TMED5: variants seen among roughly 807,000 people sequenced by gnomAD.
TMED5 encodes transmembrane p24 trafficking protein 5, also known as transmembrane emp24 domain-containing protein 5.
In TMED5, 27 loss-of-function variants were observed where a neutral mutation model predicts 23.0. The observed-to-expected ratio is 1.17, with a 90% CI of 0.86 to 1.62. TMED5 has a LOEUF of 1.62. Ranked by LOEUF, TMED5 falls within the 40% of genes most tolerant of loss-of-function variation. TMED5 has a pLI of 0.00. For missense variants in TMED5, 248 were observed against 273.7 expected, an observed-to-expected ratio of 0.91 and a Z score of 0.66; for synonymous variants, 97 against 100.8, an observed-to-expected ratio of 0.96 and a Z score of 0.23.
Position 93,153,336 on chromosome 1 carries a change from A to G in TMED5, c.*1334T>C, listed in dbSNP as rs144474757. The G allele has an allele frequency of 6.6e-6, 1 of 152,258 alleles. No homozygotes were observed. Among genetic ancestry groups the G allele is most frequent in the African/African-American group, 2.4e-5 (1 of 41,566 alleles). The allele number at this position is 152,258 out of a possible 1,614,324, so 9.4% of individuals were successfully genotyped here. On this transcript the variant is annotated 3_prime_UTR_variant, in exon 4 of 4. Transcript: ENST00000370282. ...GTTTCTAATCCTTACTTCAACATCAATAAATAAAGTGTTCAGAAAGGCCAT... is the reference window on the plus strand; with the variant it reads ...GTTTCTAATCCTTACTTCAACATCAGTAAATAAAGTGTTCAGAAAGGCCAT...
At chr1:93,159,847 A>C (rs1267819985) in intron 2 of TMED5, among the ~76,000 whole-genome samples, 4 of 152,248 alleles carry the variant, frequency 2.6e-5, no homozygotes, top group Non-Finnish European at 5.9e-5. Context: ...GGCAGGTTTA[A>C]AATGCCACGA....
rs930196174 is a variant in TMED5, at chr1:93,150,660, A to G, written c.*4010T>C. On this transcript the variant is annotated 3_prime_UTR_variant, in exon 4 of 4. Coordinates refer to ENST00000370282, the MANE Select transcript of TMED5 (RefSeq NM_016040.5). ...TTTGGAACTGTCTTTTCTTTCTGCA[A>G]TGGTATTACGTGTCCTTTTAGAATT... is the stretch of plus-strand genomic sequence containing the variant. The G allele has an allele frequency of 6.6e-6, 1 of 152,230 alleles. No homozygotes were observed. The highest frequency in any genetic ancestry group is 2.1e-4 in the South Asian group (1 of 4,830). The allele number at this position is 152,230 out of a possible 1,614,324, so 9.4% of individuals were successfully genotyped here. A position where few individuals can be genotyped will look rare whatever the true frequency, so the allele number is the denominator to read the frequency against.
At chr1:93,179,692 G>GT (rs1351111636) in intron 1 of TMED5, among the ~76,000 whole-genome samples, 4 of 152,270 alleles carry the variant, frequency 2.6e-5, no homozygotes, top group Non-Finnish European at 5.9e-5. Flanking sequence ...AGGAGAACGT[G>GT]TATCAGTTCT....
intron 1 of TMED5, among the ~76,000 whole-genome samples, chr1:93,175,433 T>C (rs1648880763): frequency 6.7e-6 from 1 of 148,526 alleles, no homozygotes; most frequent in Non-Finnish European, 1.5e-5. Flanking sequence ...ATTTTGTATA[T>C]GTATAAAATG....
rs1163111191 is a variant in TMED5, at chr1:93,153,561, G to T, written c.*1109C>A. 6.6e-6 allele frequency: 1 copy of T among 152,100 alleles called. No homozygotes were observed. Among genetic ancestry groups the T allele is most frequent in the African/African-American group, 2.4e-5 (1 of 41,426 alleles). The allele number at this position is 152,100 out of a possible 1,614,324, so 9.4% of individuals were successfully genotyped here. On this transcript the variant is annotated 3_prime_UTR_variant, in exon 4 of 4. Transcript: ENST00000370282. ...AATCATCTCCTTTGATTTATGTTATGAGTAGGATGTCATGATGAGCCAGTC... is the reference window on the plus strand; with the variant it reads ...AATCATCTCCTTTGATTTATGTTATTAGTAGGATGTCATGATGAGCCAGTC...
At chr1:93,167,598 G>C (rs1425172764) in intron 1 of TMED5, among the ~76,000 whole-genome samples, 1 of 152,066 alleles carries the variant, frequency 6.6e-6, no homozygotes, top group Non-Finnish European at 1.5e-5. Flanking sequence ...TTTGTATGTT[G>C]ATTTTATATC....
At chr1:93,160,537 G>A (rs1219688078) in intron 1 of TMED5, 3 of 194,346 alleles carry the variant, frequency 1.5e-5, no homozygotes, top group African/African-American at 2.3e-5. Flanking sequence ...ACAAAGAGCA[G>A]TTCAAATGCT....
chr1:93,176,809 G>A (rs1428981872), intron 1 of TMED5, among the ~76,000 whole-genome samples: 6 of 152,166 alleles, frequency 3.9e-5, no homozygotes, highest in Admixed American at 3.9e-4. Flanking sequence ...GGGATTACAG[G>A]TGTGAGCCAC....
intron 1 of TMED5, among the ~76,000 whole-genome samples, chr1:93,173,544 T>G (rs10874762): frequency 0.53 from 80,129 of 152,020 alleles, 24,271 homozygotes; most frequent in South Asian, 0.68. Flanking sequence ...TATAACAAAC[T>G]GACAGGAAGC....
In TMED5 at chr1:93,180,252, G is replaced by T; in HGVS notation, c.-10C>A. The T allele has an allele frequency of 6.3e-7, 1 of 1,599,996 alleles. No individual in the cohort carries two copies. The highest frequency in any genetic ancestry group is 8.5e-7 in the Non-Finnish European group (1 of 1,175,698). ...AGATCTTGTCGCCCATCCCTGCTGG[G>T]GCGATCCCGGGCTGAAAGAGGCGTC... On this transcript the variant is annotated 5_prime_UTR_variant, in exon 1 of 4. Transcript: ENST00000370282.
chr1:93,157,655 T>C lies in TMED5; in HGVS notation c.288-1172A>G, dbSNP rs1648121664. On this transcript the variant is annotated intron_variant, in intron 2 of 3. Coordinates refer to ENST00000370282, the MANE Select transcript of TMED5 (RefSeq NM_016040.5). The stretch of plus-strand genomic sequence containing the variant: ...TACTTTAGGCTGCAGTAAGCTATGG[T>C]CACACCATTGCACTCTGGCCTGGGC... Among the ~76,000 whole-genome samples, 3 of 152,188 alleles carry C rather than the reference T, an allele frequency of 2.0e-5. No individual in the cohort carries two copies. In the South Asian group the frequency reaches 6.2e-4, roughly 32 times the overall value.
chr1:93,155,686 T>C (rs1220306909), intron 3 of TMED5, among the ~76,000 whole-genome samples: 1 of 152,104 alleles, frequency 6.6e-6, no homozygotes, highest in Non-Finnish European at 1.5e-5. Flanking sequence ...TGTGTGACCA[T>C]GGTTCACTGC....
At chr1:93,162,907 A>G (rs1183225326) in intron 1 of TMED5, 1 of 152,146 alleles carries the variant, frequency 6.6e-6, no homozygotes, top group Non-Finnish European at 1.5e-5. Context: ...ACATGAAAGC[A>G]AAAATAAAGC....
At position 93,155,333 on chromosome 1, in the gene TMED5, C is replaced by T. The variant is rs182180413; in HGVS notation, c.472-445G>A. Among the ~76,000 whole-genome samples the T allele has an allele frequency of 7.8e-4, 118 of 152,250 alleles. 2 individuals carry two copies. The highest frequency in any genetic ancestry group is 1.5e-4 in the Non-Finnish European group (10 of 68,024). On this transcript the variant is annotated intron_variant, in intron 3 of 3. Coordinates refer to ENST00000370282, the MANE Select transcript of TMED5 (RefSeq NM_016040.5). Reference sequence around the variant, plus strand: ...TAAAGGGCAGGTACTATTTATATTACATTAGAGATTCTCTGTAAGGTTATA... The same window carrying T: ...TAAAGGGCAGGTACTATTTATATTATATTAGAGATTCTCTGTAAGGTTATA...
chr1:93,157,580 C>G (rs918038768), intron 2 of TMED5, among the ~76,000 whole-genome samples: 1 of 151,878 alleles, frequency 6.6e-6, no homozygotes, highest in Admixed American at 6.6e-5. Flanking sequence ...AAAAATTAGC[C>G]GAGTACACAC....
At chr1:93,159,062 T>G (rs909353826) in intron 2 of TMED5, among the ~76,000 whole-genome samples, 1 of 152,178 alleles carries the variant, frequency 6.6e-6, no homozygotes, top group African/African-American at 2.4e-5. Flanking sequence ...GTTGAGACAT[T>G]TTTTTCCTCT....
At position 93,179,855 on chromosome 1, in the gene TMED5, C is replaced by G. The variant is rs140475734; in HGVS notation, c.189+199G>C. The G allele has an allele frequency of 4.1e-4, 223 of 544,746 alleles. 2 individuals carry two copies. Among genetic ancestry groups the G allele is most frequent in the African/African-American group, 4.0e-3 (201 of 49,890 alleles). 33.7% of individuals were successfully genotyped at this position (544,746 alleles called of 1,614,324 possible). A position where few individuals can be genotyped will look rare whatever the true frequency, so the allele number is the denominator to read the frequency against. ...AGGCGGGTAGTCATCAATTCCAGGT[C>G]CAGCCTAAGTTCTGGGTCCCCGGCC... is the stretch of plus-strand genomic sequence containing the variant. On this transcript the variant is annotated intron_variant, in intron 1 of 3. Transcript: ENST00000370282.
In TMED5 at chr1:93,165,233, T is replaced by C. The variant is rs1315204429; in HGVS notation, c.190-5007A>G. Among the ~76,000 whole-genome samples, 3 of 152,240 alleles carry C rather than the reference T, an allele frequency of 2.0e-5. No individual in the cohort carries two copies. In the East Asian group the frequency reaches 5.8e-4, roughly 29 times the overall value. On this transcript the variant is annotated intron_variant, in intron 1 of 3. Coordinates refer to ENST00000370282, the MANE Select transcript of TMED5 (RefSeq NM_016040.5). ...CAGAAACTAAAGCTAGTAAATATTT[T>C]AAGCCAGTAAATTTTGTGGTTGATT... is the stretch of plus-strand genomic sequence containing the variant.
intron 1 of TMED5, among the ~76,000 whole-genome samples, chr1:93,169,164 G>T (rs548314641): frequency 6.6e-6 from 1 of 152,168 alleles, no homozygotes; most frequent in Non-Finnish European, 1.5e-5. Flanking sequence ...AAGCTCATAT[G>T]GAACATTCAC....
Sources: gnomAD v4.1 joint callset for allele counts (sites outside exome capture counted in the v4.1 genomes callset) on GRCh38, gnomAD v4.1.1 for gene constraint, MANE v1.5 for transcripts, NCBI Gene and HGNC (gene_info 2026-07-23, HGNC 2026-07-21) for gene names.